Variants in KDM7A observed in about 807,000 individuals in gnomAD.
The protein encoded by KDM7A is lysine-specific demethylase 7A.
KDM7A carries 28 observed loss-of-function variants against 114.8 expected under a neutral mutation model. The ratio of observed to expected loss-of-function variants is 0.24; its 90% CI spans 0.18 to 0.33. The LOEUF (loss-of-function observed/expected upper bound fraction) is 0.33, where lower values mean the gene tolerates loss of function less well. Among genes scored for constraint, KDM7A ranks in the 10% least tolerant of loss-of-function variants. The pLI, the probability that KDM7A is intolerant of heterozygous loss-of-function variation, is 1.00. For synonymous variants in KDM7A, 423 were observed against 397.8 expected, an observed-to-expected ratio of 1.06 and a Z score of -0.75; for missense variants, 942 against 1,142.5, an observed-to-expected ratio of 0.82 and a Z score of 2.53.
intron 1 of KDM7A, among the ~76,000 whole-genome samples, chr7:140,147,708 C>T (rs554857893): frequency 6.6e-6 from 1 of 152,278 alleles, no homozygotes; most frequent in South Asian, 2.1e-4. Context: ...GCTTGCTCTG[C>T]ATGTTTCCTT....
rs913419923 is a variant in KDM7A at position 140,087,121 on chromosome 7, G to C, written c.*3973C>G. ...AAGCAAACTGTTGGTACCCAACCCA[G>C]AGCTGTCTTTGTGCATTCTCACCTT... On this transcript the variant is annotated 3_prime_UTR_variant, in exon 20 of 20. Coordinates refer to ENST00000397560, the MANE Select transcript of KDM7A (RefSeq NM_030647.2). 6.6e-6 allele frequency: 1 copy of C among 152,162 alleles called. No individual in the cohort carries two copies. The highest frequency in any genetic ancestry group is 2.4e-5 in the African/African-American group (1 of 41,432). The allele number at this position is 152,162 out of a possible 1,614,324, so 9.4% of individuals were successfully genotyped here.
chr7:140,150,545 C>T (rs944974901), intron 1 of KDM7A, among the ~76,000 whole-genome samples: 2 of 152,112 alleles, frequency 1.3e-5, no homozygotes, highest in Admixed American at 6.5e-5. Flanking sequence ...AAGCCAGGTG[C>T]GTAACAGTTT....
intron 1 of KDM7A, among the ~76,000 whole-genome samples, chr7:140,152,693 C>G (rs536733684): frequency 3.6e-4 from 55 of 152,084 alleles, no homozygotes; most frequent in African/African-American, 1.3e-3. Context: ...ATAGGTGACG[C>G]TGAGTTGCCA....
chr7:140,159,961 A>AC (rs1794500232), intron 1 of KDM7A, among the ~76,000 whole-genome samples: 1 of 151,650 alleles, frequency 6.6e-6, no homozygotes. Flanking sequence ...AAAAAAAAAA[A>AC]AAAACCTGTA....
At chr7:140,091,305 GA>G in intron 19 of KDM7A, 117 bp from the exon 20 acceptor site, 1 of 732,916 alleles carries the variant, frequency 1.4e-6, no homozygotes, top group Non-Finnish European at 2.4e-6. Flanking sequence ...GTTCTGCATG[GA>G]CAGAGTCATA....
intron 11 of KDM7A, among the ~76,000 whole-genome samples, chr7:140,103,471 C>T (rs1188492377): frequency 1.3e-5 from 2 of 149,938 alleles, no homozygotes; most frequent in South Asian, 4.2e-4. Context: ...CCCCCTCCAA[C>T]CCACGACAGG....
intron 5 of KDM7A, 43 bp from the exon 6 acceptor site, chr7:140,126,866 T>A (rs1476738923): frequency 7.2e-7 from 1 of 1,393,472 alleles, no homozygotes; most frequent in Non-Finnish European, 9.9e-7. Context: ...ATCATGCAAA[T>A]TAAAAATTCT....
intron 1 of KDM7A, among the ~76,000 whole-genome samples, chr7:140,164,076 T>C (rs1044047836): frequency 3.3e-5 from 5 of 152,198 alleles, no homozygotes; most frequent in East Asian, 1.9e-4. Flanking sequence ...GATAGAAATC[T>C]ACACCACTCT....
chr7:140,173,150 G>A (rs1394780528), intron 1 of KDM7A, among the ~76,000 whole-genome samples: 1 of 152,080 alleles, frequency 6.6e-6, no homozygotes, highest in African/African-American at 2.4e-5. Flanking sequence ...CAGGAAAGAC[G>A]TTTATAGTGG....
Position 140,086,778 on chromosome 7 carries a change from T to C in KDM7A, c.*4316A>G, listed in dbSNP as rs1030199312. The stretch of plus-strand genomic sequence containing the variant: ...TCTGGGTTACCTGTGTCTCCTTTAT[T>C]TACCAGCGACACTCTGTCTAGGCTA... On this transcript the variant is annotated 3_prime_UTR_variant, in exon 20 of 20. Coordinates refer to ENST00000397560, the MANE Select transcript of KDM7A (RefSeq NM_030647.2). 6.6e-6 allele frequency: 1 copy of C among 152,106 alleles called. No individual in the cohort carries two copies. Among genetic ancestry groups the C allele is most frequent in the Non-Finnish European group, 1.5e-5 (1 of 68,034 alleles). 9.4% of individuals were successfully genotyped at this position (152,106 alleles called of 1,614,324 possible).
intron 18 of KDM7A, 99 bp from the exon 19 acceptor site, chr7:140,092,176 A>G (rs915513644): frequency 9.0e-7 from 1 of 1,108,428 alleles, no homozygotes; most frequent in African/African-American, 1.6e-5. Context: ...GAAGAAACAA[A>G]CTACTGAATT....
chr7:140,091,235 TAAG>T, intron 19 of KDM7A, 47 bp from the exon 20 acceptor site: 1 of 1,282,814 alleles, frequency 7.8e-7, no homozygotes, highest in Non-Finnish European at 1.1e-6. Context: ...AAAGTACACT[TAAG>T]AGAGCACCTG....
At chr7:140,091,724 C>CAG in intron 19 of KDM7A, 80 bp downstream of exon 19, 1 of 1,476,754 alleles carries the variant, frequency 6.8e-7, no homozygotes, top group South Asian at 1.2e-5. Context: ...AACTTGAGTG[C>CAG]AGAGACTACA....
At chr7:140,131,040 GT>G (rs919521254) in intron 3 of KDM7A, among the ~76,000 whole-genome samples, 3 of 128,820 alleles carry the variant, frequency 2.3e-5, no homozygotes, top group East Asian at 2.2e-4. Context: ...TTTTGTTTTT[GT>G]TTTTTTTAGT....
chr7:140,099,185 T>C, intron 13 of KDM7A, 152 bp from the exon 14 acceptor site: 1 of 676,082 alleles, frequency 1.5e-6, no homozygotes, highest in Non-Finnish European at 2.4e-6. Context: ...GCTAGGGATC[T>C]GAGGTTCGTT....
At chr7:140,135,568 G>A (rs1201364626) in intron 2 of KDM7A, among the ~76,000 whole-genome samples, 3 of 152,062 alleles carry the variant, frequency 2.0e-5, no homozygotes, top group Non-Finnish European at 2.9e-5. Context: ...ATTATATAAT[G>A]AGCATTTTCT....
intron 11 of KDM7A, among the ~76,000 whole-genome samples, chr7:140,108,784 A>C (rs999279476): frequency 4.0e-5 from 6 of 151,864 alleles, no homozygotes; most frequent in African/African-American, 1.5e-4. Context: ...GAGAACCACT[A>C]CTCTCTTCAA....
intron 2 of KDM7A, among the ~76,000 whole-genome samples, chr7:140,136,155 A>AGG (rs980598963): frequency 1.2e-4 from 18 of 152,320 alleles, no homozygotes; most frequent in African/African-American, 3.6e-4. Context: ...TTAGACTGCT[A>AGG]GGGGTTCAAA....
chr7:140,176,789 C>A lies in KDM7A; in HGVS notation c.149G>T (p.Arg50Leu). ...CVCRQPYDVN[R>L]FMIECDICKD... ...GCAGATATCGCACTCGATCATGAAG[C>A]GGTTCACGTCGTACGGCTGCCGGCA... The change falls in exon 1 of 20, where the codon CGC becomes CTC. Residue 50 changes from arginine to leucine, a missense_variant. Transcript: ENST00000397560. This position sits in a 1 kb window ranked among gnomAD's most constrained non-coding sequence, Gnocchi z 4.4. The A allele has an allele frequency of 5.6e-6, 8 of 1,420,536 alleles. No homozygotes were observed. The highest frequency in any genetic ancestry group is 7.5e-6 in the Non-Finnish European group (8 of 1,065,598). The allele number at this position is 1,420,536 out of a possible 1,614,324, so 88.0% of individuals were successfully genotyped here.
Sources: allele counts gnomAD v4.1 joint callset (sites outside exome capture counted in the v4.1 genomes callset), GRCh38; gene constraint gnomAD v4.1.1; non-coding constraint Gnocchi (gnomAD v3.1); transcripts MANE v1.5; gene names NCBI Gene and HGNC (gene_info 2026-07-23, HGNC 2026-07-21).